DISC1: variants seen among roughly 807,000 people sequenced by gnomAD.
DISC1 encodes disrupted in schizophrenia 1 protein.
DISC1 carries 57 observed loss-of-function variants against 84.5 expected under a neutral mutation model. The ratio of observed to expected loss-of-function variants is 0.67; its 90% confidence interval spans 0.55 to 0.84. The LOEUF (loss-of-function observed/expected upper bound fraction) is 0.84, where lower values mean the gene tolerates loss of function less well. DISC1 is among the 40% of genes least tolerant of loss of function. The pLI, the probability that DISC1 is intolerant of heterozygous loss-of-function variation, is 0.00. For missense variants in DISC1, 1,000 were observed against 1,057.8 expected, an observed-to-expected ratio of 0.95 and a Z score of 0.76; for synonymous variants, 411 against 415.2, an observed-to-expected ratio of 0.99 and a Z score of 0.12.
rs1025993780 is a variant in DISC1 at position 231,815,100 on chromosome 1, CACTA to C, written c.1793-3223_1793-3220del. 24 of 151,918 alleles carry C rather than the reference CACTA, an allele frequency of 1.6e-4. No individual in the cohort carries two copies. In the East Asian group the frequency reaches 3.1e-3, roughly 20 times the overall value. The allele number at this position is 151,918 out of a possible 1,614,324, so 9.4% of individuals were successfully genotyped here. A position where few individuals can be genotyped will look rare whatever the true frequency, so the allele number is the denominator to read the frequency against. On this transcript the variant is annotated intron_variant, in intron 8 of 12. Coordinates refer to ENST00000439617, the MANE Select transcript of DISC1 (RefSeq NM_018662.3). ...AAACACAGTGGGGTTTTCTAATTAACACTAACTAATTTATGGGACACTCATTAAT... is the reference window on the plus strand; with the variant it reads ...AAACACAGTGGGGTTTTCTAATTAACACTAATTTATGGGACACTCATTAAT...
rs569221075 is a variant in DISC1 at position 232,038,182 on chromosome 1, G to C, written c.*1351G>C. ...GACAGCATAGTACTCAGTAACACAGGGCAGCTAGTACTCAGTACTATAAGT... is the reference window on the plus strand; with the variant it reads ...GACAGCATAGTACTCAGTAACACAGCGCAGCTAGTACTCAGTACTATAAGT... On this transcript the variant is annotated 3_prime_UTR_variant, in exon 13 of 13. Transcript: ENST00000439617. The C allele has an allele frequency of 6.6e-6, 1 of 152,074 alleles. No individual in the cohort carries two copies. Among genetic ancestry groups the C allele is most frequent in the Admixed American group, 6.5e-5 (1 of 15,272 alleles). 9.4% of individuals were successfully genotyped at this position (152,074 alleles called of 1,614,324 possible).
chr1:231,724,094 C>T, intron 3 of DISC1: 1 of 902,308 alleles, frequency 1.1e-6, no homozygotes, highest in Non-Finnish European at 1.3e-6. Flanking sequence ...TTGTCACCTG[C>T]TAATAGATTG....
chr1:232,016,457 A>G (rs1419243528), intron 11 of DISC1, among the ~76,000 whole-genome samples: 1 of 152,172 alleles, frequency 6.6e-6, no homozygotes, highest in Non-Finnish European at 1.5e-5. Flanking sequence ...CATGAATCTC[A>G]TTTTGGATTC....
rs186387309 is a variant in DISC1 at position 231,643,019 on chromosome 1, C to T, written c.67+16085C>T. ...TCTACTGCCTTCCCACCAAACCTTG[C>T]CGGCTCTGTAAATTTTCAGAGCTGT... On this transcript the variant is annotated intron_variant, in intron 1 of 12. Transcript: ENST00000439617. Among the ~76,000 whole-genome samples the T allele has an allele frequency of 3.6e-3, 549 of 152,262 alleles. 4 individuals are homozygous for T. The highest frequency in any genetic ancestry group is 0.013 in the African/African-American group (530 of 41,526).
Position 231,767,243 on chromosome 1 carries a change from C to G in DISC1, c.1372C>G (p.Leu458Val). 1.2e-6 allele frequency: 2 copies of G among 1,614,208 alleles called. No homozygotes were observed. Residue 458 changes from leucine (L) to valine (V), a missense_variant, in exon 5 of 13, where the codon CTT becomes GTT. This residue lies in a region of DISC1 where 311 missense variants were observed against 400.1 expected (regional missense o/e 0.78). Coordinates refer to ENST00000439617, the MANE Select transcript of DISC1 (RefSeq NM_018662.3). ...LHVSITRRDW[L>V]LQEKQQLQKE... is the part of the protein sequence containing the mutation. The stretch of plus-strand genomic sequence containing the variant: ...CGTGTCCATCACGAGACGAGACTGG[C>G]TTCTTCAGGAAAAGCAGCAGCTACA...
chr1:232,006,611 G>A (rs1450938125), intron 10 of DISC1, among the ~76,000 whole-genome samples: 2 of 152,178 alleles, frequency 1.3e-5, no homozygotes, highest in Non-Finnish European at 2.9e-5. Context: ...CATTCATGAA[G>A]AGATGATGTG....
At chr1:231,785,006 C>T (rs200444651) in intron 6 of DISC1, among the ~76,000 whole-genome samples, 16 of 152,072 alleles carry the variant, frequency 1.1e-4, no homozygotes, top group Non-Finnish European at 2.1e-4. Flanking sequence ...GAATTCATGG[C>T]GTTTGTGCCT....
intron 9 of DISC1, among the ~76,000 whole-genome samples, chr1:231,821,216 T>C (rs2081470331): frequency 6.6e-6 from 1 of 152,212 alleles, no homozygotes; most frequent in Admixed American, 6.5e-5. Flanking sequence ...TCCTGCATTT[T>C]AGATTGCAGA....
chr1:231,835,557 T>C (rs1309631412), intron 9 of DISC1, among the ~76,000 whole-genome samples: 3 of 152,168 alleles, frequency 2.0e-5, no homozygotes, highest in Non-Finnish European at 2.9e-5. Flanking sequence ...TGTGGTGGAA[T>C]GTCATCAGTT....
intron 10 of DISC1, among the ~76,000 whole-genome samples, chr1:231,972,386 A>G (rs1430821603): frequency 6.6e-6 from 1 of 152,166 alleles, no homozygotes; most frequent in African/African-American, 2.4e-5. Flanking sequence ...TAGATCTGTA[A>G]GTGACTATGA....
intron 3 of DISC1, among the ~76,000 whole-genome samples, chr1:231,740,716 G>T (rs373693983): frequency 1.3e-5 from 2 of 152,260 alleles, no homozygotes; most frequent in African/African-American, 4.8e-5. Context: ...TTCAGGATAG[G>T]ACCCAAGCCT....
At position 231,883,208 on chromosome 1, in the gene DISC1, CCATTCATT is replaced by C. The variant is rs1176472258; in HGVS notation, c.1981+64705_1981+64712del. ...GATACTTAATCTGGGTCTTGAATAA[CCATTCATT>C]CATTCATTCATTCTTCTTTCTCTCT... On this transcript the variant is annotated intron_variant, in intron 9 of 12. Transcript: ENST00000439617. Among the ~76,000 whole-genome samples the C allele has an allele frequency of 2.6e-5, 4 of 152,184 alleles. No homozygotes were observed. The South Asian group carries it at 6.2e-4, about 24-fold the overall frequency.
At chr1:232,020,665 A>G (rs563449313) in intron 11 of DISC1, among the ~76,000 whole-genome samples, 1 of 152,340 alleles carries the variant, frequency 6.6e-6, no homozygotes, top group African/African-American at 2.4e-5. Flanking sequence ...TTTGGCTTAA[A>G]CAGAAATGTC....
intron 9 of DISC1, among the ~76,000 whole-genome samples, chr1:231,843,219 GAAGA>G (rs1460310686): frequency 1.3e-5 from 2 of 152,204 alleles, no homozygotes; most frequent in African/African-American, 4.8e-5. Context: ...ATTTGAGGCA[GAAGA>G]AAGAACAAGC....
rs184518816 is a variant in DISC1 at position 232,011,412 on chromosome 1, G to A, written c.2307+2363G>A. On this transcript the variant is annotated intron_variant, in intron 11 of 12. Transcript: ENST00000439617. The stretch of plus-strand genomic sequence containing the variant: ...CTTGGGGGTGAGTGGGTGCTTTAGA[G>A]GGGACCTTACAGCTTTTGCTGGCTT... Among the ~76,000 whole-genome samples, 351 of 152,296 alleles carry A rather than the reference G, an allele frequency of 2.3e-3. 4 individuals carry two copies. Among genetic ancestry groups the A allele is most frequent in the African/African-American group, 8.1e-3 (338 of 41,562 alleles).
chr1:231,776,853 A>C (rs201015259), intron 6 of DISC1, among the ~76,000 whole-genome samples: 5 of 152,214 alleles, frequency 3.3e-5, no homozygotes, highest in Non-Finnish European at 5.9e-5. Context: ...TCCTGAATCT[A>C]GGATCCTGGT....
At chr1:231,808,146 A>G (rs2079905163) in intron 8 of DISC1, among the ~76,000 whole-genome samples, 1 of 152,218 alleles carries the variant, frequency 6.6e-6, no homozygotes, top group Non-Finnish European at 1.5e-5. Flanking sequence ...ATTTAAAAAT[A>G]CTGGTACCCA....
chr1:231,825,341 A>G (rs544897423), intron 9 of DISC1, among the ~76,000 whole-genome samples: 1 of 152,334 alleles, frequency 6.6e-6, no homozygotes, highest in East Asian at 1.9e-4. Flanking sequence ...GACTCTATGT[A>G]ATAGGGTGGG....
intron 10 of DISC1, among the ~76,000 whole-genome samples, chr1:231,987,140 G>A (rs1297471872): frequency 6.6e-6 from 1 of 152,150 alleles, no homozygotes; most frequent in Non-Finnish European, 1.5e-5. Context: ...TTTGCTCTCT[G>A]GTGGAGTGAA....
Sources: gnomAD v4.1 joint callset for allele counts (sites outside exome capture counted in the v4.1 genomes callset) on GRCh38, gnomAD v4.1.1 for gene constraint, gnomAD v4.1.1 regional missense constraint, MANE v1.5 for transcripts, NCBI Gene and HGNC (gene_info 2026-07-23, HGNC 2026-07-21) for gene names.